The following TCEA2 variants were observed in gnomAD, a reference collection of about 807,000 sequenced individuals.
TCEA2 encodes the protein transcription elongation factor A2.
In TCEA2, 21 loss-of-function variants were observed where a neutral mutation model predicts 40.8. That is an observed-to-expected ratio of 0.51 (90% CI 0.36 to 0.74). TCEA2 has a LOEUF of 0.74. Ranked by LOEUF, TCEA2 falls within the 30% of genes least tolerant of loss-of-function variation. TCEA2 has a pLI of 0.00. For missense variants in TCEA2, 326 were observed against 426.5 expected (o/e 0.76, Z 2.08); for synonymous variants, 165 against 162.7 (o/e 1.01, Z -0.11).
At position 64,063,360 on chromosome 20, in the gene TCEA2, C is replaced by T; in HGVS notation, c.48C>T (p.Asp16=). The T allele has an allele frequency of 6.5e-7, 1 of 1,549,450 alleles. No homozygotes were observed. Among genetic ancestry groups the T allele is most frequent in the South Asian group, 1.2e-5 (1 of 84,138 alleles). The change falls in exon 1 of 10, where the codon GAC becomes GAT. Residue 16 remains aspartate, a synonymous_variant. Coordinates refer to ENST00000343484, the MANE Select transcript of TCEA2 (RefSeq NM_003195.6). ...EEIARIARRL[D]KMVTKKSAEG... Reference sequence around the variant, plus strand: ...TTGCGCGGATCGCCCGGAGGCTGGACAAGATGGTGACCAAGAAGAGCGCGG... The same window carrying T: ...TTGCGCGGATCGCCCGGAGGCTGGATAAGATGGTGACCAAGAAGAGCGCGG...
chr20:64,063,401 G>T lies in TCEA2; in HGVS notation c.72+17G>T. The T allele has an allele frequency of 7.8e-6, 12 of 1,542,844 alleles. No individual in the cohort carries two copies. The highest frequency in any genetic ancestry group is 1.0e-5 in the Non-Finnish European group (12 of 1,145,596). On this transcript the variant is annotated intron_variant, in intron 1 of 9. Coordinates refer to ENST00000343484, the MANE Select transcript of TCEA2 (RefSeq NM_003195.6). ...AAGAGCGCGGTGAGGGGCGCGGGCC[G>T]CCAGGACCCCGGGAACCCCGCCCCG...
chr20:64,070,693 C>T (rs1447000008), intron 8 of TCEA2, 58 bp downstream of exon 8: 2 of 1,466,952 alleles, frequency 1.4e-6, no homozygotes, highest in African/African-American at 1.4e-5. Flanking sequence ...ATCTGGTGCC[C>T]CTCCTTGGAG....
upstream of TCEA2, chr20:64,056,770 G>C (rs2145426441): frequency 6.6e-6 from 1 of 152,394 alleles, no homozygotes; most frequent in African/African-American, 2.4e-5. Flanking sequence ...CTCAGGATGG[G>C]GGAGGGGCAG....
chr20:64,072,188 T>C lies in TCEA2; in HGVS notation c.*8T>C, dbSNP rs745416553. 4.3e-6 allele frequency: 7 copies of C among 1,613,346 alleles called. No homozygotes were observed. The East Asian group carries it at 1.3e-4, about 31-fold the overall frequency. On this transcript the variant is annotated 3_prime_UTR_variant, in exon 10 of 10. Transcript: ENST00000343484. ...TTCTCGCAGTTCTGCTGACCCCTCGTGTAGATGTGCTGCAGCCTTGGGCCC... is the reference window on the plus strand; with the variant it reads ...TTCTCGCAGTTCTGCTGACCCCTCGCGTAGATGTGCTGCAGCCTTGGGCCC...
At chr20:64,063,557 C>T in intron 1 of TCEA2, 173 bp downstream of exon 1, 1 of 724,786 alleles carries the variant, frequency 1.4e-6, no homozygotes, top group Non-Finnish European at 2.2e-6. Context: ...AGACCCCTGC[C>T]CCGGGCCAGC....
chr20:64,063,789 G>T, intron 1 of TCEA2: 1 of 193,440 alleles, frequency 5.2e-6, no homozygotes, highest in Non-Finnish European at 1.1e-5. Flanking sequence ...CCTCCTCTGC[G>T]GGCCGCGCCA....
intron 4 of TCEA2, among the ~76,000 whole-genome samples, chr20:64,068,488 C>T (rs918961509): frequency 2.6e-5 from 4 of 152,230 alleles, no homozygotes; most frequent in South Asian, 2.1e-4. Context: ...CACTCAACGA[C>T]GGTCCCTCCT....
chr20:64,068,428 C>G (rs1396344495), intron 4 of TCEA2, among the ~76,000 whole-genome samples: 1 of 152,240 alleles, frequency 6.6e-6, no homozygotes, highest in Non-Finnish European at 1.5e-5. Context: ...CCCCAAGGCC[C>G]CCTGCTGGGT....
chr20:64,060,197 G>C (rs6512302), upstream of TCEA2, among the ~76,000 whole-genome samples: 109,686 of 152,080 alleles, frequency 0.72, 40,025 homozygotes, highest in Admixed American at 0.83. Flanking sequence ...TCTCTGTGCT[G>C]CAGCCCTTAC....
upstream of TCEA2, chr20:64,062,415 CCT>C (rs1285991278): frequency 6.6e-6 from 1 of 152,290 alleles, no homozygotes; most frequent in Non-Finnish European, 1.5e-5. Context: ...TGCTCCATCC[CCT>C]CTCTGTTCTC....
chr20:64,065,459 T>A (rs914170609), intron 1 of TCEA2: 4 of 147,660 alleles, frequency 2.7e-5, no homozygotes, highest in Admixed American at 6.7e-5. Flanking sequence ...GGAGATGGGG[T>A]GTTGCAGGGC....
chr20:64,063,637 C>G, intron 1 of TCEA2: 1 of 533,330 alleles, frequency 1.9e-6, no homozygotes, highest in Non-Finnish European at 3.3e-6. Context: ...GGAGAGCCAC[C>G]CGCTCTGGAC....
intron 8 of TCEA2, among the ~76,000 whole-genome samples, chr20:64,071,359 AAAAG>A (rs1169126094): frequency 1.3e-5 from 2 of 151,766 alleles, no homozygotes; most frequent in Non-Finnish European, 2.9e-5. Context: ...AAAAAAAAAA[AAAAG>A]AGGGGAGTGT....
At chr20:64,062,438 T>G (rs2059584752), upstream of TCEA2, 1 of 152,288 alleles carries the variant, frequency 6.6e-6, no homozygotes, top group South Asian at 2.1e-4. Flanking sequence ...AGGCATGTGA[T>G]GTGAATCAGC....
At chr20:64,055,739 G>A (rs2059466642), upstream of TCEA2, among the ~76,000 whole-genome samples, 1 of 152,130 alleles carries the variant, frequency 6.6e-6, no homozygotes, top group South Asian at 2.1e-4. This position sits in a 1 kb window ranked among gnomAD's most constrained non-coding sequence, Gnocchi z 4.0. Context: ...GGCTGTGCGG[G>A]GCAGGAGGGA....
chr20:64,066,558 A>G lies in TCEA2; in HGVS notation c.135+20A>G. On this transcript the variant is annotated intron_variant, in intron 2 of 9. Transcript: ENST00000343484. Reference sequence around the variant, plus strand: ...CTCCAGGTAGGTCCCTGCCTGCCCCAGGTCCAGGACAGCTCCTGGGTGCAG... The same window carrying G: ...CTCCAGGTAGGTCCCTGCCTGCCCCGGGTCCAGGACAGCTCCTGGGTGCAG... 2 of 1,612,488 alleles carry G rather than the reference A, an allele frequency of 1.2e-6. No individual in the cohort carries two copies. Among genetic ancestry groups the G allele is most frequent in the Non-Finnish European group, 8.5e-7 (1 of 1,179,110 alleles).
chr20:64,063,693 T>G, intron 1 of TCEA2: 1 of 419,128 alleles, frequency 2.4e-6, no homozygotes. Flanking sequence ...CACCCTTCCC[T>G]GTCCCTTAAC....
At chr20:64,071,973 G>C (rs1232886355) in intron 9 of TCEA2, 32 bp downstream of exon 9, 4 of 1,613,284 alleles carry the variant, frequency 2.5e-6, no homozygotes, top group Non-Finnish European at 3.4e-6. Context: ...GCCCCTCCCA[G>C]CTCCATTCTC....
Position 64,063,571 on chromosome 20 carries a change from G to T in TCEA2, c.72+187G>T, listed in dbSNP as rs1601580992. 7.4e-6 allele frequency: 5 copies of T among 677,186 alleles called. No homozygotes were observed. The East Asian group carries it at 1.2e-4, about 16-fold the overall frequency. The allele number at this position is 677,186 out of a possible 1,614,324, so 41.9% of individuals were successfully genotyped here. On this transcript the variant is annotated intron_variant, in intron 1 of 9. Transcript: ENST00000343484. ...GAGACCCCTGCCCCGGGCCAGCCCT[G>T]CCGTTCACTCCCGCAACCCCGGCAG...
Sources: gnomAD v4.1 joint callset for allele counts (sites outside exome capture counted in the v4.1 genomes callset) on GRCh38, gnomAD v4.1.1 for gene constraint, Gnocchi (gnomAD v3.1) non-coding constraint, MANE v1.5 for transcripts, NCBI Gene and HGNC (gene_info 2026-07-23, HGNC 2026-07-21) for gene names.